The following ANK3 variants were observed in gnomAD, a reference collection of about 807,000 sequenced individuals.
The protein encoded by ANK3 is ankyrin-3.
ANK3 carries 57 observed loss-of-function variants against 370.9 expected under a neutral mutation model. The ratio of observed to expected loss-of-function variants is 0.15; its 90% confidence interval spans 0.12 to 0.19. The LOEUF is 0.19. Among genes scored for constraint, ANK3 ranks in the 10% least tolerant of loss-of-function variants. The probability of loss-of-function intolerance (pLI) is 1.00; values close to 1 mark genes in which losing one functional copy is unlikely to be tolerated. For missense variants in ANK3, 4,439 were observed against 5,302.1 expected, an observed-to-expected ratio of 0.84 and a Z score of 5.06; for synonymous variants, 1,929 against 1,946.3, an observed-to-expected ratio of 0.99 and a Z score of 0.23.
At chr10:60,059,776 G>C in intron 40 of ANK3, 1 of 1,614,194 alleles carries the variant, frequency 6.2e-7, no homozygotes. Context: ...GAGTCTTCCA[G>C]TTTGCTGTCT....
Position 60,082,606 on chromosome 10 carries a change from A to G in ANK3, c.4323+9T>C, listed in dbSNP as rs1464409503. 6.8e-6 allele frequency: 11 copies of G among 1,613,090 alleles called. 1 individual carries two copies. The Admixed American group carries it at 1.8e-4, about 27-fold the overall frequency. The stretch of plus-strand genomic sequence containing the variant: ...GGGAAAGACAATTTAAAGCAGTATT[A>G]AAAGATACCTTTTTATGTGCTGGCA... On this transcript the variant is annotated intron_variant, in intron 34 of 43. Transcript: ENST00000280772.
chr10:60,202,334 G>A (rs2096694431), intron 12 of ANK3, among the ~76,000 whole-genome samples: 1 of 151,782 alleles, frequency 6.6e-6, no homozygotes, highest in African/African-American at 2.4e-5. Flanking sequence ...TGTTGGTCAG[G>A]CTGGTCTCGA....
intron 43 of ANK3, among the ~76,000 whole-genome samples, chr10:60,039,710 T>A (rs1340632776): frequency 2.6e-5 from 4 of 152,096 alleles, no homozygotes; most frequent in African/African-American, 9.7e-5. Context: ...CCTATTTTTT[T>A]AAAAAAGGGG....
At chr10:60,262,687 G>A (rs2132644857) in intron 6 of ANK3, among the ~76,000 whole-genome samples, 1 of 152,270 alleles carries the variant, frequency 6.6e-6, no homozygotes, top group African/African-American at 2.4e-5. Flanking sequence ...TTGTAGAAGG[G>A]TGGGTCATAT....
At chr10:60,556,769 T>C (rs1465995756) in intron 2 of ANK3, among the ~76,000 whole-genome samples, 1 of 152,154 alleles carries the variant, frequency 6.6e-6, no homozygotes, top group Non-Finnish European at 1.5e-5. Context: ...CCTGGATAAG[T>C]TAAACATGGA....
intron 8 of ANK3, among the ~76,000 whole-genome samples, chr10:60,221,935 A>G (rs1439147919): frequency 6.6e-6 from 1 of 152,170 alleles, no homozygotes; most frequent in Non-Finnish European, 1.5e-5. Flanking sequence ...GTGAAGTATT[A>G]TATTCTTTAG....
At chr10:60,055,570 G>A in intron 42 of ANK3, 88 bp downstream of exon 42, 3 of 1,459,422 alleles carry the variant, frequency 2.1e-6, no homozygotes, top group Non-Finnish European at 2.7e-6. Flanking sequence ...AAAAAACCTT[G>A]GGCCCCCGGC....
intron 7 of ANK3, among the ~76,000 whole-genome samples, chr10:60,243,524 T>C (rs1296747962): frequency 6.6e-6 from 1 of 152,188 alleles, no homozygotes; most frequent in African/African-American, 2.4e-5. Context: ...CCCAGCCTCC[T>C]GAACTATAAG....
rs139015525 is a variant in ANK3 at position 60,192,317 on chromosome 10, GTATA to G, written c.1887+3824_1887+3827del. ...TATTGCATACCATGTGTGTATGTGT[GTATA>G]TATATATATGTATATACTATATGTT... On this transcript the variant is annotated intron_variant, in intron 16 of 43. Coordinates refer to ENST00000280772, the MANE Select transcript of ANK3 (RefSeq NM_020987.5). 8.2e-3 allele frequency among the ~76,000 whole-genome samples: 1,235 copies of G among 150,136 alleles called. 21 individuals are homozygous for G. Among genetic ancestry groups the G allele is most frequent in the East Asian group, 0.035 (180 of 5,118 alleles).
chr10:60,570,715 C>T (rs112141089), intron 2 of ANK3, among the ~76,000 whole-genome samples: 1 of 152,158 alleles, frequency 6.6e-6, no homozygotes, highest in Non-Finnish European at 1.5e-5. Context: ...TTAAGAGTGC[C>T]CTAGCAGCAG....
Position 60,063,175 on chromosome 10 carries a change from A to G in ANK3, c.12531T>C (p.Tyr4177=), listed in dbSNP as rs776216772. Reference sequence around the variant, plus strand: ...AACTTCTGGTGCCTGAAATATTTCCATAATCAAATATTGGTCCTTCTAGCA... The same window carrying G: ...AACTTCTGGTGCCTGAAATATTTCCGTAATCAAATATTGGTCCTTCTAGCA... ...VTLLEGPIFD[Y]GNISGTRSFA... is the part of the protein sequence containing the mutation. The change falls in exon 40 of 44, where the codon TAT becomes TAC. Residue 4177 remains tyrosine, a synonymous_variant. Transcript: ENST00000280772. 25 of 1,613,446 alleles carry G rather than the reference A, an allele frequency of 1.5e-5. No homozygotes were observed. In the Admixed American group the frequency reaches 4.2e-4, roughly 27 times the overall value.
chr10:60,203,611 AT>A (rs1330257949), intron 11 of ANK3, among the ~76,000 whole-genome samples: 94 of 152,384 alleles, frequency 6.2e-4, no homozygotes, highest in African/African-American at 2.2e-3. Context: ...ACAAATCAGC[AT>A]TAATAGTTTC....
At chr10:60,617,654 C>A (rs1355897073) in intron 1 of ANK3, among the ~76,000 whole-genome samples, 2 of 152,176 alleles carry the variant, frequency 1.3e-5, no homozygotes, top group Non-Finnish European at 2.9e-5. Flanking sequence ...TTCCTCTGAT[C>A]CATCTGTCAA....
chr10:60,220,359 A>G (rs558096379), intron 8 of ANK3, among the ~76,000 whole-genome samples: 11 of 152,330 alleles, frequency 7.2e-5, no homozygotes, highest in African/African-American at 2.6e-4. Flanking sequence ...AGGGCATTCC[A>G]AAATTAACCT....
Position 60,383,470 on chromosome 10 carries a change from G to C in ANK3, c.114+5955C>G, listed in dbSNP as rs988254841. Among the ~76,000 whole-genome samples, 3 of 152,060 alleles carry C rather than the reference G, an allele frequency of 2.0e-5. No individual in the cohort carries two copies. In the South Asian group the frequency reaches 6.2e-4, roughly 31 times the overall value. On this transcript the variant is annotated intron_variant, in intron 1 of 43. Transcript: ENST00000280772. ...TTGATAGTGCCAGAATCTGAACTCA[G>C]ACAACCTTACTCTATAGTTCACACT...
At chr10:60,593,970 C>T (rs920615670) in intron 2 of ANK3, among the ~76,000 whole-genome samples, 1 of 152,128 alleles carries the variant, frequency 6.6e-6, no homozygotes, top group Non-Finnish European at 1.5e-5. Context: ...CTCTAAAATG[C>T]AAATTAGGAT....
At chr10:60,649,991 C>T (rs1276955117) in intron 1 of ANK3, among the ~76,000 whole-genome samples, 1 of 152,156 alleles carries the variant, frequency 6.6e-6, no homozygotes, top group Non-Finnish European at 1.5e-5. Context: ...TAGATGAAGT[C>T]TCCATCAGCC....
chr10:60,449,232 G>A (rs1489359236), intron 2 of ANK3, among the ~76,000 whole-genome samples: 2 of 151,976 alleles, frequency 1.3e-5, no homozygotes, highest in African/African-American at 4.8e-5. Flanking sequence ...ACATTTTCTA[G>A]TACCCACATT....
rs903056570 is a variant in ANK3, at chr10:60,073,396, T to A, written c.7485A>T (p.Leu2495Phe). ...TDHAGPPSSE[L>F]QGSDKRSREK... is the part of the protein sequence containing the mutation. ...CTCTGGACCGCTTATCAGACCCCTG[T>A]AACTCTGAGCTAGGGGGTCCTGCAT... is the stretch of plus-strand genomic sequence containing the variant. Residue 2495 changes from leucine (L) to phenylalanine (F), a missense_variant, in exon 37 of 44, where the codon TTA (leucine) becomes TTT (phenylalanine). By Grantham distance (22) the Leu-to-Phe change is conservative. Around this residue, in one of 13 missense-constraint regions of ANK3, gnomAD observed 1,601 missense variants for 1,731.7 expected, o/e 0.92. Transcript: ENST00000280772. 1.2e-6 allele frequency: 2 copies of A among 1,613,906 alleles called. No individual in the cohort carries two copies. Among genetic ancestry groups the A allele is most frequent in the Non-Finnish European group, 1.7e-6 (2 of 1,180,004 alleles).
Sources: allele counts gnomAD v4.1 joint callset (sites outside exome capture counted in the v4.1 genomes callset), GRCh38; gene constraint gnomAD v4.1.1; regional missense constraint gnomAD v4.1.1; transcripts MANE v1.5; gene names NCBI Gene and HGNC (gene_info 2026-07-23, HGNC 2026-07-21).